The following ARFGEF1 variants were observed in gnomAD, a reference collection of about 807,000 sequenced individuals.
ARFGEF1 encodes the protein brefeldin A-inhibited guanine nucleotide-exchange protein 1.
ARFGEF1 carries 42 observed loss-of-function variants against 231.0 expected under a neutral mutation model. That is an observed-to-expected ratio of 0.18 (90% CI 0.14 to 0.24). ARFGEF1 has a LOEUF of 0.24. Among genes scored for constraint, ARFGEF1 ranks in the 10% least tolerant of loss-of-function variants. The probability of loss-of-function intolerance (pLI) is 1.00; values close to 1 mark genes in which losing one functional copy is unlikely to be tolerated. For missense variants in ARFGEF1, 1,345 were observed against 2,192.0 expected (o/e 0.61, Z 7.72); for synonymous variants, 710 against 732.3 (o/e 0.97, Z 0.49).
chr8:67,322,895 C>A (rs181033469), intron 1 of ARFGEF1, among the ~76,000 whole-genome samples: 1 of 152,154 alleles, frequency 6.6e-6, no homozygotes, highest in Admixed American at 6.6e-5. Flanking sequence ...ACATTTTATA[C>A]CACATCTTTA....
chr8:67,185,651 TG>T (rs1409989292), intron 5 of ARFGEF1, among the ~76,000 whole-genome samples: 1 of 152,062 alleles, frequency 6.6e-6, no homozygotes, highest in Non-Finnish European at 1.5e-5. Flanking sequence ...GTGAAACTCT[TG>T]AAGTATATCT....
chr8:67,255,106 C>G (rs540263791), intron 17 of ARFGEF1, among the ~76,000 whole-genome samples: 4 of 152,178 alleles, frequency 2.6e-5, no homozygotes, highest in Non-Finnish European at 5.9e-5. Context: ...GACAGAAAAT[C>G]TGAAGTAGCA....
chr8:67,311,512 T>C (rs1191630286), intron 1 of ARFGEF1, among the ~76,000 whole-genome samples: 1 of 60,148 alleles, frequency 1.7e-5, no homozygotes, highest in Non-Finnish European at 3.3e-5. Flanking sequence ...GGGAGGGAGG[T>C]GGGGGGGGGT....
chr8:67,280,447 C>CAACTAACTAACAGAAGGAAAACCTAG (rs1456043794), intron 7 of ARFGEF1, among the ~76,000 whole-genome samples: 2 of 152,200 alleles, frequency 1.3e-5, no homozygotes, highest in African/African-American at 4.8e-5. Context: ...GAAGGAAAAC[C>CAACTAACTAACAGAAGGAAAACCTAG]AACTAAGGTT....
intron 5 of ARFGEF1, among the ~76,000 whole-genome samples, chr8:67,177,514 C>G (rs1831983333): frequency 6.6e-6 from 1 of 152,124 alleles, no homozygotes; most frequent in Admixed American, 6.5e-5. Context: ...AGAATGGATG[C>G]AGGGCTATGT....
At chr8:67,341,919 A>T (rs1473298027) in intron 1 of ARFGEF1, among the ~76,000 whole-genome samples, 1 of 152,110 alleles carries the variant, frequency 6.6e-6, no homozygotes, top group Non-Finnish European at 1.5e-5. Context: ...TTAAGATGAA[A>T]TTTCTTCGAC....
chr8:67,268,184 T>G (rs1239607182), intron 10 of ARFGEF1, among the ~76,000 whole-genome samples: 1 of 152,206 alleles, frequency 6.6e-6, no homozygotes, highest in East Asian at 1.9e-4. Context: ...TTATAGTATC[T>G]CCCCCTAACT....
At chr8:67,266,835 C>T (rs376359157) in intron 13 of ARFGEF1, 41 bp downstream of exon 13, 14 of 1,530,344 alleles carry the variant, frequency 9.1e-6, no homozygotes, top group Non-Finnish European at 1.3e-5. Flanking sequence ...GTATTATTCA[C>T]TTAAAATGAC....
chr8:67,195,504 A>G (rs1207510435), downstream of ARFGEF1: 5 of 1,614,120 alleles, frequency 3.1e-6, no homozygotes, highest in African/African-American at 1.3e-5. Context: ...GAAACGTTTC[A>G]TGGCAGAGCA....
At chr8:67,195,703 A>G, downstream of ARFGEF1, 1 of 755,288 alleles carries the variant, frequency 1.3e-6, no homozygotes, top group Non-Finnish European at 2.2e-6. Flanking sequence ...CTTTTTTTCC[A>G]TCATCTGTAT....
chr8:67,229,917 T>C (rs534196872), intron 23 of ARFGEF1, among the ~76,000 whole-genome samples: 27 of 152,040 alleles, frequency 1.8e-4, no homozygotes, highest in East Asian at 5.8e-4. Context: ...AAAGCAGAGA[T>C]AGAACCACAG....
At chr8:67,332,215 G>C (rs536948140) in intron 1 of ARFGEF1, among the ~76,000 whole-genome samples, 19 of 152,174 alleles carry the variant, frequency 1.2e-4, no homozygotes, top group Middle Eastern at 6.8e-3. Flanking sequence ...TTTACAACTA[G>C]TTATTTTAAG....
intron 1 of ARFGEF1, among the ~76,000 whole-genome samples, chr8:67,305,823 G>A (rs1272974477): frequency 6.6e-6 from 1 of 152,192 alleles, no homozygotes; most frequent in African/African-American, 2.4e-5. Flanking sequence ...TGAAACCTCA[G>A]ATTAAATCAA....
chr8:67,282,213 A>AT (rs1280726020), intron 7 of ARFGEF1, among the ~76,000 whole-genome samples: 60 of 152,164 alleles, frequency 3.9e-4, no homozygotes, highest in African/African-American at 1.4e-3. Flanking sequence ...ATTTTACATA[A>AT]TTCAACACTG....
intron 19 of ARFGEF1, among the ~76,000 whole-genome samples, chr8:67,244,877 T>G (rs1332166391): frequency 1.3e-5 from 2 of 150,420 alleles, no homozygotes; most frequent in Non-Finnish European, 2.9e-5. Flanking sequence ...ACAAGAAGGT[T>G]ATAGAACATC....
chr8:67,227,608 C>T lies in ARFGEF1; in HGVS notation c.3592-10G>A, dbSNP rs377393963. On this transcript the variant is annotated splice_polypyrimidine_tract_variant and intron_variant, in intron 25 of 38. Coordinates refer to ENST00000262215, the MANE Select transcript of ARFGEF1 (RefSeq NM_006421.5). ...TAGGATTACACCCAACCTGTAATGG[C>T]GACAGAAATAAACGATGCTAATTAA... is the stretch of plus-strand genomic sequence containing the variant. 2.7e-5 allele frequency: 44 copies of T among 1,608,444 alleles called. No homozygotes were observed. The highest frequency in any genetic ancestry group is 2.0e-4 in the African/African-American group (15 of 74,666).
intron 9 of ARFGEF1, among the ~76,000 whole-genome samples, chr8:67,274,967 G>A (rs1805251163): frequency 6.6e-6 from 1 of 151,892 alleles, no homozygotes; most frequent in Non-Finnish European, 1.5e-5. Flanking sequence ...TAGGCTTCTG[G>A]GACTAAAGGA....
At position 67,302,362 on chromosome 8, in the gene ARFGEF1, G is replaced by A. The variant is rs1806531620; in HGVS notation, c.155+74C>T. On this transcript the variant is annotated intron_variant, in intron 2 of 38. Transcript: ENST00000262215. ...AGAGAATTTGCCACACTAAAATACA[G>A]ATGACTATATTATTTTGACCAAGAC... 3.3e-6 allele frequency: 4 copies of A among 1,204,190 alleles called. No individual in the cohort carries two copies. In the South Asian group the frequency reaches 5.3e-5, roughly 16 times the overall value. 74.6% of individuals were successfully genotyped at this position (1,204,190 alleles called of 1,614,324 possible). A position where few individuals can be genotyped will look rare whatever the true frequency, so the allele number is the denominator to read the frequency against.
At chr8:67,279,023 G>A (rs1183724281) in intron 7 of ARFGEF1, among the ~76,000 whole-genome samples, 1 of 152,064 alleles carries the variant, frequency 6.6e-6, no homozygotes, top group African/African-American at 2.4e-5. Context: ...CAGCACTCTG[G>A]CAGGCCAAGG....
Sources: gnomAD v4.1 joint callset for allele counts (sites outside exome capture counted in the v4.1 genomes callset) on GRCh38, gnomAD v4.1.1 for gene constraint, MANE v1.5 for transcripts, NCBI Gene and HGNC (gene_info 2026-07-23, HGNC 2026-07-21) for gene names.